TCEA3: variants seen among roughly 807,000 people sequenced by gnomAD.
TCEA3 encodes the protein transcription elongation factor A protein 3.
Under a neutral mutation model 44.0 loss-of-function variants are expected in TCEA3, and 36 were observed. The ratio of observed to expected loss-of-function variants is 0.82; its 90% confidence interval spans 0.63 to 1.08. The LOEUF (loss-of-function observed/expected upper bound fraction) is 1.08. Ranked by LOEUF, TCEA3 falls within the 50% of genes least tolerant of loss-of-function variation. The probability of loss-of-function intolerance (pLI) is 0.00; values close to 1 mark genes in which losing one functional copy is unlikely to be tolerated. For missense variants in TCEA3, 392 were observed against 441.2 expected, an observed-to-expected ratio of 0.89 and a Z score of 1.00; for synonymous variants, 162 against 159.7, an observed-to-expected ratio of 1.01 and a Z score of -0.11.
At position 23,387,323 on chromosome 1, in the gene TCEA3, C is replaced by A; in HGVS notation, c.916G>T (p.Asp306Tyr). ...TTGCATTTGCTGCACTGGAAGAGGT[C>A]AGTGGTGGTGCCGCCAGTCTTGGCC... ...QMAKTGGTTT[D>Y]LFQCSKCKKK... The change falls in exon 9 of 11, where the codon GAC (aspartate) becomes TAC (tyrosine). Residue 306 changes from aspartate to tyrosine, a missense_variant. Transcript: ENST00000450454. 1 of 1,613,936 alleles carries A rather than the reference C, an allele frequency of 6.2e-7. No homozygotes were observed. The highest frequency in any genetic ancestry group is 1.1e-5 in the South Asian group (1 of 91,052).
intron 8 of TCEA3, among the ~76,000 whole-genome samples, chr1:23,391,839 C>CT (rs1022766632): frequency 6.6e-6 from 1 of 152,092 alleles, no homozygotes; most frequent in African/African-American, 2.4e-5. Flanking sequence ...AGTAGAATCG[C>CT]TTGAACCTGG....
At chr1:23,394,664 G>A (rs545661317) in intron 7 of TCEA3, among the ~76,000 whole-genome samples, 131 of 152,270 alleles carry the variant, frequency 8.6e-4, no homozygotes, top group African/African-American at 3.1e-3. Flanking sequence ...TCCCCTACAA[G>A]ACCTGTTACC....
intron 10 of TCEA3, among the ~76,000 whole-genome samples, chr1:23,383,123 C>T (rs1638715702): frequency 1.3e-5 from 2 of 151,776 alleles, no homozygotes; most frequent in Admixed American, 1.3e-4. Context: ...ACTAAAAATA[C>T]AAAAAAATTA....
intron 7 of TCEA3, among the ~76,000 whole-genome samples, chr1:23,394,271 C>T (rs1639151551): frequency 1.3e-5 from 2 of 152,172 alleles, no homozygotes; most frequent in Admixed American, 1.3e-4. Flanking sequence ...ATAGCAAGCA[C>T]TATAGTGTCA....
At chr1:23,382,841 A>T (rs948944906) in intron 10 of TCEA3, among the ~76,000 whole-genome samples, 5 of 152,222 alleles carry the variant, frequency 3.3e-5, no homozygotes, top group Non-Finnish European at 7.3e-5. Context: ...CCATGCTCTA[A>T]ACCAGTAGGC....
chr1:23,407,884 A>T (rs1639587949), intron 5 of TCEA3, among the ~76,000 whole-genome samples: 3 of 152,188 alleles, frequency 2.0e-5, no homozygotes. Context: ...TAGCCAGTTC[A>T]GCCCAAATCC....
intron 4 of TCEA3, among the ~76,000 whole-genome samples, chr1:23,412,509 C>A (rs538225139): frequency 3.2e-4 from 49 of 151,870 alleles, no homozygotes; most frequent in South Asian, 1.7e-3. Context: ...TCGAGACCAG[C>A]CTGAGCAACA....
chr1:23,401,631 G>A (rs1639397696), intron 5 of TCEA3, among the ~76,000 whole-genome samples: 2 of 152,060 alleles, frequency 1.3e-5, no homozygotes, highest in Admixed American at 6.5e-5. Context: ...AGTCACAATA[G>A]CCCCAAAACT....
chr1:23,414,549 C>T (rs1639833012), intron 4 of TCEA3, among the ~76,000 whole-genome samples: 1 of 151,664 alleles, frequency 6.6e-6, no homozygotes. Flanking sequence ...TTACGGGGCA[C>T]CCGCCAACAG....
At chr1:23,383,028 CCA>C (rs1479399643) in intron 10 of TCEA3, among the ~76,000 whole-genome samples, 5 of 152,174 alleles carry the variant, frequency 3.3e-5, no homozygotes, top group Non-Finnish European at 4.4e-5. Flanking sequence ...GCCTGTAATC[CCA>C]GCACTTTGGG....
chr1:23,417,819 CTGAGTGCTGGCTA>C, intron 3 of TCEA3, 72 bp downstream of exon 3: 1 of 1,261,362 alleles, frequency 7.9e-7, no homozygotes, highest in Non-Finnish European at 1.1e-6. Context: ...CAGACATACA[CTGAGTGCTGGCTA>C]TGAGCCAGGC....
intron 4 of TCEA3, among the ~76,000 whole-genome samples, chr1:23,414,425 C>T (rs1004561771): frequency 1.3e-5 from 2 of 151,816 alleles, no homozygotes; most frequent in Non-Finnish European, 2.9e-5. Flanking sequence ...GTTTTTAAGA[C>T]GGAGTCTAGT....
chr1:23,387,300 G>C lies in TCEA3; in HGVS notation c.939C>G (p.Cys313Trp). Residue 313 changes from cysteine to tryptophan, a missense_variant, in exon 9 of 11, where the codon TGC (cysteine) becomes TGG (tryptophan). Physicochemically the swap from Cys to Trp is radical, Grantham distance 215 (BLOSUM62 -2). Transcript: ENST00000450454. ...TTTDLFQCSKCKKKNCTYNQV... is the reference protein window; with the variant it reads ...TTTDLFQCSKWKKKNCTYNQV... ...GGTTATAGGTGCAGTTCTTCTTCTT[G>C]CATTTGCTGCACTGGAAGAGGTCAG... is the stretch of plus-strand genomic sequence containing the variant. 1.9e-6 allele frequency: 3 copies of C among 1,613,888 alleles called. No individual in the cohort carries two copies. The highest frequency in any genetic ancestry group is 2.5e-6 in the Non-Finnish European group (3 of 1,179,876).
chr1:23,391,144 C>CT (rs1639013543), intron 8 of TCEA3, among the ~76,000 whole-genome samples: 1 of 140,500 alleles, frequency 7.1e-6, no homozygotes, highest in Non-Finnish European at 1.5e-5. Context: ...TTCTTTCTTT[C>CT]TTTCTTTTTT....
At chr1:23,415,246 C>T (rs185672501) in intron 4 of TCEA3, among the ~76,000 whole-genome samples, 52 of 152,232 alleles carry the variant, frequency 3.4e-4, no homozygotes, top group Admixed American at 1.3e-3. Flanking sequence ...TGGTCTCGAA[C>T]TCCTGACCTC....
intron 5 of TCEA3, chr1:23,403,843 C>A (rs559008950): frequency 1.2e-5 from 6 of 494,040 alleles, no homozygotes; most frequent in Non-Finnish European, 2.2e-5. Flanking sequence ...CACACCCAGC[C>A]CTGGTCCCGC....
intron 7 of TCEA3, among the ~76,000 whole-genome samples, chr1:23,395,983 G>A (rs980465761): frequency 4.6e-5 from 7 of 152,158 alleles, no homozygotes; most frequent in African/African-American, 1.7e-4. Flanking sequence ...GATGAAACTC[G>A]TGATAGTTCT....
At chr1:23,424,521 G>C (rs747901621) in intron 1 of TCEA3, 44 bp downstream of exon 1, 2 of 1,561,402 alleles carry the variant, frequency 1.3e-6, no homozygotes, top group South Asian at 1.1e-5. Context: ...GCTTGCCCGC[G>C]CCTCCCGGGG....
At chr1:23,391,534 G>A (rs1639027927) in intron 8 of TCEA3, among the ~76,000 whole-genome samples, 1 of 152,120 alleles carries the variant, frequency 6.6e-6, no homozygotes, top group Non-Finnish European at 1.5e-5. Context: ...ACCATGTGAG[G>A]TTACAGTGAG....
Sources: gnomAD v4.1 joint callset for allele counts (sites outside exome capture counted in the v4.1 genomes callset) on GRCh38, gnomAD v4.1.1 for gene constraint, MANE v1.5 for transcripts, NCBI Gene and HGNC (gene_info 2026-07-23, HGNC 2026-07-21) for gene names.